The following FSTL4 variants were observed in gnomAD, a reference collection of about 807,000 sequenced individuals.
FSTL4 encodes the protein follistatin-related protein 4.
In FSTL4, 28 loss-of-function variants were observed where a neutral mutation model predicts 78.2. The observed-to-expected ratio is 0.36, with a 90% CI of 0.27 to 0.49. FSTL4 has a LOEUF of 0.49. Ranked by LOEUF, FSTL4 falls within the 20% of genes least tolerant of loss-of-function variation. The probability of loss-of-function intolerance (pLI) is 0.98; values close to 1 mark genes in which losing one functional copy is unlikely to be tolerated. For synonymous variants in FSTL4, 422 were observed against 440.5 expected (o/e 0.96, Z 0.53); for missense variants, 922 against 1,084.9 (o/e 0.85, Z 2.11).
At chr5:133,687,552 C>T in the FSTL4 span, among the ~76,000 whole-genome samples, 5 of 152,166 alleles carry the variant, frequency 3.3e-5, no homozygotes, top group African/African-American at 9.7e-5. Context: ...AGTTAAAACT[C>T]ATTGCACACT....
At chr5:133,829,609 G>C in the FSTL4 span, among the ~76,000 whole-genome samples, 1 of 152,170 alleles carries the variant, frequency 6.6e-6, no homozygotes, top group Non-Finnish European at 1.5e-5. Context: ...GTGTTGTCAG[G>C]GGGAGAGAAA....
At chr5:133,286,111 C>T (rs753739761) in intron 6 of FSTL4, among the ~76,000 whole-genome samples, 10 of 152,204 alleles carry the variant, frequency 6.6e-5, no homozygotes, top group Non-Finnish European at 1.3e-4. Context: ...CTCTAAGCAT[C>T]CCTGGGTGTG....
chr5:133,577,679 G>A (rs1760313467), intron 2 of FSTL4, among the ~76,000 whole-genome samples: 1 of 152,244 alleles, frequency 6.6e-6, no homozygotes. Flanking sequence ...GAATGTGCAA[G>A]TCTCCTTTGA....
At chr5:133,216,720 A>G (rs1750919766) in intron 13 of FSTL4, among the ~76,000 whole-genome samples, 1 of 152,172 alleles carries the variant, frequency 6.6e-6, no homozygotes, top group Non-Finnish European at 1.5e-5. Flanking sequence ...CCCCTGATGA[A>G]AGCCCTTCTG....
the FSTL4 span, among the ~76,000 whole-genome samples, chr5:133,643,604 A>T: frequency 6.6e-6 from 1 of 152,102 alleles, no homozygotes; most frequent in Non-Finnish European, 1.5e-5. Flanking sequence ...GTTCTTCACA[A>T]CAAACACAGG....
intron 4 of FSTL4, among the ~76,000 whole-genome samples, chr5:133,325,316 C>T: frequency 6.6e-6 from 1 of 152,158 alleles, no homozygotes; most frequent in East Asian, 1.9e-4. Context: ...TTGGGGACAG[C>T]TTTATACACA....
At chr5:133,740,006 C>A in the FSTL4 span, among the ~76,000 whole-genome samples, 4 of 151,832 alleles carry the variant, frequency 2.6e-5, no homozygotes, top group East Asian at 7.8e-4. Context: ...AATCCCACCA[C>A]CTCAGCCCTG....
chr5:133,691,064 T>TA, the FSTL4 span, among the ~76,000 whole-genome samples: 1 of 152,222 alleles, frequency 6.6e-6, no homozygotes, highest in Non-Finnish European at 1.5e-5. Context: ...GACACTGAAT[T>TA]AAACCTTTCT....
At chr5:133,444,665 C>G (rs1323480617) in intron 3 of FSTL4, among the ~76,000 whole-genome samples, 1 of 152,200 alleles carries the variant, frequency 6.6e-6, no homozygotes, top group Non-Finnish European at 1.5e-5. Flanking sequence ...TGTGGGCTCT[C>G]AGGGACCAGG....
chr5:133,330,576 C>T (rs575847546), intron 4 of FSTL4, among the ~76,000 whole-genome samples: 38 of 152,290 alleles, frequency 2.5e-4, no homozygotes, highest in African/African-American at 9.1e-4. Flanking sequence ...CCAGGCCCCA[C>T]CTCCAACACT....
intron 4 of FSTL4, among the ~76,000 whole-genome samples, chr5:133,395,380 C>T (rs1312909392): frequency 2.0e-5 from 3 of 152,186 alleles, no homozygotes; most frequent in Non-Finnish European, 2.9e-5. Flanking sequence ...CGCAGCTTCA[C>T]TCCTGAAGCC....
chr5:133,681,780 G>A, the FSTL4 span, among the ~76,000 whole-genome samples: 2 of 152,148 alleles, frequency 1.3e-5, no homozygotes, highest in African/African-American at 4.8e-5. Flanking sequence ...AGAGCAGGGT[G>A]GGCCTGGTCT....
At chr5:133,650,510 T>C in the FSTL4 span, among the ~76,000 whole-genome samples, 2 of 152,214 alleles carry the variant, frequency 1.3e-5, no homozygotes, top group African/African-American at 2.4e-5. Context: ...CATTCATTTT[T>C]TTGCACATGG....
chr5:133,309,876 C>A (rs1005761246), intron 6 of FSTL4, among the ~76,000 whole-genome samples: 2 of 152,232 alleles, frequency 1.3e-5, no homozygotes, highest in Non-Finnish European at 2.9e-5. Flanking sequence ...AATGCCTCAA[C>A]CTCTGCCAGC....
chr5:133,836,901 G>A, the FSTL4 span, among the ~76,000 whole-genome samples: 11 of 152,100 alleles, frequency 7.2e-5, no homozygotes, highest in Admixed American at 2.6e-4. Context: ...ATTTTCAGTC[G>A]TTTTATCGTG....
intron 3 of FSTL4, among the ~76,000 whole-genome samples, chr5:133,451,378 T>G (rs1421167370): frequency 6.6e-6 from 1 of 151,144 alleles, no homozygotes; most frequent in Non-Finnish European, 1.5e-5. Context: ...CTGGCCAACA[T>G]GGCAAAACTC....
chr5:133,505,789 G>GA (rs761566536), intron 3 of FSTL4, among the ~76,000 whole-genome samples: 2 of 152,224 alleles, frequency 1.3e-5, no homozygotes, highest in Non-Finnish European at 2.9e-5. Flanking sequence ...ACGGAAGGTT[G>GA]TTTATAACGT....
At chr5:133,381,826 T>C (rs943498218) in intron 4 of FSTL4, among the ~76,000 whole-genome samples, 1 of 152,238 alleles carries the variant, frequency 6.6e-6, no homozygotes, top group Non-Finnish European at 1.5e-5. Context: ...AGCGTTCCTA[T>C]GAGCACTCAG....
At chr5:133,833,651 G>A in the FSTL4 span, among the ~76,000 whole-genome samples, 2 of 152,172 alleles carry the variant, frequency 1.3e-5, no homozygotes, top group Non-Finnish European at 2.9e-5. Context: ...AGATGAGTAG[G>A]ATTCCAGACA....
Sources: gnomAD v4.1 joint callset for allele counts (sites outside exome capture counted in the v4.1 genomes callset) on GRCh38, gnomAD v4.1.1 for gene constraint, MANE v1.5 for transcripts, NCBI Gene and HGNC (gene_info 2026-07-23, HGNC 2026-07-21) for gene names.